ABCA1: variants seen among roughly 807,000 people sequenced by gnomAD.
ABCA1 encodes the protein ATP binding cassette subfamily A member 1.
In ABCA1, 133 loss-of-function variants were observed where a neutral mutation model predicts 262.5. That is an observed-to-expected ratio of 0.51 (90% confidence interval 0.44 to 0.59). The LOEUF is 0.59. Among genes scored for constraint, ABCA1 ranks in the 20% least tolerant of loss-of-function variants. The pLI is 0.00. For missense variants in ABCA1, 2,452 were observed against 2,777.5 expected (o/e 0.88, Z 2.63); for synonymous variants, 1,022 against 1,043.5 (o/e 0.98, Z 0.40).
intron 1 of ABCA1, among the ~76,000 whole-genome samples, chr9:104,904,344 C>A (rs960293460): frequency 6.6e-6 from 1 of 151,820 alleles, no homozygotes; most frequent in East Asian, 1.9e-4. Flanking sequence ...CCGAGGCAGG[C>A]GGATCACGAG....
intron 3 of ABCA1, among the ~76,000 whole-genome samples, chr9:104,887,818 G>T (rs1032023706): frequency 1.4e-4 from 20 of 138,904 alleles, no homozygotes; most frequent in African/African-American, 4.9e-4. Flanking sequence ...CCTCAGCCTC[G>T]CAGGTTGAAG....
chr9:104,800,401 TTTTCTG>T (rs1219171574), intron 35 of ABCA1, 103 bp downstream of exon 35: 1 of 1,057,320 alleles, frequency 9.5e-7, no homozygotes, highest in Non-Finnish European at 1.5e-6. Flanking sequence ...TAGTTTGCTC[TTTTCTG>T]TTGTGAATGC....
intron 1 of ABCA1, among the ~76,000 whole-genome samples, chr9:104,906,750 C>CA (rs35167860): frequency 0.17 from 14,191 of 82,862 alleles, 849 homozygotes; most frequent in African/African-American, 0.24. Flanking sequence ...AAACCAAAAT[C>CA]AAAAAAAAAA....
chr9:104,814,514 C>T (rs764553133), intron 25 of ABCA1, 39 bp from the exon 26 acceptor site: 2 of 1,596,754 alleles, frequency 1.3e-6, no homozygotes, highest in Non-Finnish European at 1.7e-6. Flanking sequence ...TAAGCACCAA[C>T]ATTACGAGAG....
intron 1 of ABCA1, among the ~76,000 whole-genome samples, chr9:104,904,562 C>CT (rs1294043866): frequency 7.6e-6 from 1 of 131,916 alleles, no homozygotes; most frequent in Non-Finnish European, 1.6e-5. Context: ...GAGACTCTGT[C>CT]TCAAAAAAAA....
intron 20 of ABCA1, 132 bp from the exon 21 acceptor site, chr9:104,820,201 C>T: frequency 8.5e-7 from 1 of 1,170,798 alleles, no homozygotes; most frequent in South Asian, 1.3e-5. Context: ...TTATCAATTT[C>T]TGAAAAATAA....
Position 104,782,186 on chromosome 9 carries a change from T to A in ABCA1, c.*2129A>T, listed in dbSNP as rs573577369. 41 of 152,232 alleles carry A rather than the reference T, an allele frequency of 2.7e-4. No homozygotes were observed. The South Asian group carries it at 8.5e-3, about 32-fold the overall frequency. 9.4% of individuals were successfully genotyped at this position (152,232 alleles called of 1,614,324 possible). Reference sequence around the variant, plus strand: ...AAAATATTAAATGAGGAGAAATTATTCTATAAATTCTGTATTTTTGAAGAT... The same window carrying A: ...AAAATATTAAATGAGGAGAAATTATACTATAAATTCTGTATTTTTGAAGAT... On this transcript the variant is annotated 3_prime_UTR_variant, in exon 50 of 50. Transcript: ENST00000374736.
rs893685584 is a variant in ABCA1, at chr9:104,856,098, C to T, written c.720+2424G>A. 1.9e-6 allele frequency: 3 copies of T among 1,580,298 alleles called. No homozygotes were observed. In the African/African-American group the frequency reaches 4.1e-5, roughly 21 times the overall value. ...CACATGTCACATCCATCTACCATCA[C>T]AAATGTTGAAATTTCAACCAAGCAG... On this transcript the variant is annotated intron_variant, in intron 7 of 49. Transcript: ENST00000374736.
rs1828615312 is a variant in ABCA1, at chr9:104,782,738, C to T, written c.*1577G>A. Reference sequence around the variant, plus strand: ...ATTTGAAGGTACTAAATGCCATAAACACAAGTTGTGTTTTTCAGCAAGTTT... The same window carrying T: ...ATTTGAAGGTACTAAATGCCATAAATACAAGTTGTGTTTTTCAGCAAGTTT... On this transcript the variant is annotated 3_prime_UTR_variant, in exon 50 of 50. Transcript: ENST00000374736. 6.6e-6 allele frequency: 1 copy of T among 151,840 alleles called. No homozygotes were observed. Among genetic ancestry groups the T allele is most frequent in the African/African-American group, 2.4e-5 (1 of 41,300 alleles). 9.4% of individuals were successfully genotyped at this position (151,840 alleles called of 1,614,324 possible).
intron 5 of ABCA1, among the ~76,000 whole-genome samples, chr9:104,872,002 G>A (rs550567791): frequency 6.6e-6 from 1 of 152,248 alleles, no homozygotes; most frequent in South Asian, 2.1e-4. Context: ...CCTAAGGCTG[G>A]TCTAGGGAAG....
At chr9:104,913,835 G>A (rs566608640) in intron 1 of ABCA1, among the ~76,000 whole-genome samples, 2 of 151,716 alleles carry the variant, frequency 1.3e-5, no homozygotes, top group African/African-American at 2.4e-5. Context: ...TGGCTCTGTC[G>A]CCCAGGCTGG....
At chr9:104,823,141 CTG>C (rs1234361339) in intron 18 of ABCA1, among the ~76,000 whole-genome samples, 13 of 151,220 alleles carry the variant, frequency 8.6e-5, no homozygotes, top group African/African-American at 3.2e-4. Context: ...AATAATAAAA[CTG>C]TAAAAACGAG....
chr9:104,791,057 C>G (rs1178112581), intron 43 of ABCA1, 29 bp from the exon 44 acceptor site: 3 of 1,535,772 alleles, frequency 2.0e-6, no homozygotes, highest in Non-Finnish European at 2.7e-6. Context: ...GTTGTATAAG[C>G]AAACTCTAAA....
At chr9:104,810,168 A>G (rs1831153379) in intron 29 of ABCA1, among the ~76,000 whole-genome samples, 6 of 122,698 alleles carry the variant, frequency 4.9e-5, no homozygotes, top group African/African-American at 1.6e-4. Context: ...ATATATATAT[A>G]CTTTTTTTTT....
chr9:104,838,428 T>C (rs1439122357), intron 9 of ABCA1, among the ~76,000 whole-genome samples: 2 of 145,648 alleles, frequency 1.4e-5, no homozygotes, highest in African/African-American at 5.2e-5. Context: ...GCTAACACAG[T>C]GAAACCCCGT....
chr9:104,862,864 AC>A (rs1330298849), intron 5 of ABCA1, among the ~76,000 whole-genome samples: 2 of 149,836 alleles, frequency 1.3e-5, no homozygotes, highest in African/African-American at 2.5e-5. Flanking sequence ...AGAGTGCATT[AC>A]GCATATCAAA....
At chr9:104,915,062 A>T (rs1049624616) in intron 1 of ABCA1, among the ~76,000 whole-genome samples, 1 of 152,192 alleles carries the variant, frequency 6.6e-6, no homozygotes, top group Non-Finnish European at 1.5e-5. Context: ...ACCCATAGAT[A>T]GGCTCAAGTC....
At chr9:104,879,909 T>C (rs1411713600) in intron 5 of ABCA1, among the ~76,000 whole-genome samples, 2 of 151,970 alleles carry the variant, frequency 1.3e-5, no homozygotes, top group Admixed American at 6.6e-5. Context: ...AAACATTCCA[T>C]AAGAGGAAAG....
At chr9:104,813,771 C>T (rs1180486327) in intron 27 of ABCA1, among the ~76,000 whole-genome samples, 1 of 152,202 alleles carries the variant, frequency 6.6e-6, no homozygotes, top group Non-Finnish European at 1.5e-5. Flanking sequence ...CTTTCTGACT[C>T]TTTCAAAATC....
Sources: allele counts gnomAD v4.1 joint callset (sites outside exome capture counted in the v4.1 genomes callset), GRCh38; gene constraint gnomAD v4.1.1; transcripts MANE v1.5; gene names NCBI Gene and HGNC (gene_info 2026-07-23, HGNC 2026-07-21).